The following ABCB5 variants were observed in gnomAD, a reference collection of about 807,000 sequenced individuals.
The protein encoded by ABCB5 is ATP-binding cassette sub-family B member 5.
In ABCB5, 155 loss-of-function variants were observed where a neutral mutation model predicts 144.2. The observed-to-expected ratio is 1.08, with a 90% CI of 0.94 to 1.23. The LOEUF is 1.23. Among genes scored for constraint, ABCB5 ranks in the 50% most tolerant of loss-of-function variants. The pLI, the probability that ABCB5 is intolerant of heterozygous loss-of-function variation, is 0.00. For synonymous variants in ABCB5, 610 were observed against 528.6 expected (o/e 1.15, Z -2.11); for missense variants, 1,830 against 1,520.8 (o/e 1.20, Z -3.38).
intron 5 of ABCB5, among the ~76,000 whole-genome samples, chr7:20,642,822 TA>T (rs1310788831): frequency 6.6e-6 from 1 of 152,254 alleles, no homozygotes; most frequent in African/African-American, 2.4e-5. Context: ...TTAAGCTTTT[TA>T]TCAAATGCTT....
At chr7:20,656,318 A>G (rs1056891513) in intron 13 of ABCB5, among the ~76,000 whole-genome samples, 8 of 152,174 alleles carry the variant, frequency 5.3e-5, no homozygotes, top group Non-Finnish European at 1.2e-4. Flanking sequence ...ATCATTTAGA[A>G]AACAAAAAGG....
In ABCB5 at chr7:20,647,587, A is replaced by G. The variant is rs1329664970; in HGVS notation, c.1034A>G (p.His345Arg). 6.3e-7 allele frequency: 1 copy of G among 1,590,614 alleles called. No individual in the cohort carries two copies. The highest frequency in any genetic ancestry group is 2.3e-5 in the East Asian group (1 of 44,408). ...TATTGCATTGGAGCAGCAGTCCCTC[A>G]CTTTGAAACCTTCGCAATAGCCCGA... ...SSYCIGAAVP[H>R]FETFAIARGA... The change falls in exon 10 of 28, where the codon CAC becomes CGC. Residue 345 changes from histidine (H) to arginine (R), a missense_variant. Transcript: ENST00000404938.
intron 14 of ABCB5, among the ~76,000 whole-genome samples, chr7:20,680,709 T>C (rs73280657): frequency 2.6e-4 from 40 of 152,300 alleles, no homozygotes; most frequent in African/African-American, 9.1e-4. Context: ...TGTACCCTTA[T>C]GTGCATTTTT....
At chr7:20,732,613 A>T (rs546110007) in intron 23 of ABCB5, among the ~76,000 whole-genome samples, 1 of 152,322 alleles carries the variant, frequency 6.6e-6, no homozygotes, top group South Asian at 2.1e-4. Flanking sequence ...CTTCGGAGTC[A>T]CCTTCACACT....
In ABCB5 at chr7:20,723,150, A is replaced by T. The variant is rs758677747; in HGVS notation, c.2556A>T (p.Gly852=). 6.2e-7 allele frequency: 1 copy of T among 1,614,050 alleles called. No individual in the cohort carries two copies. The highest frequency in any genetic ancestry group is 1.3e-5 in the African/African-American group (1 of 74,928). ...LSIAPVLAVT[G]MIETAAMTGF... The stretch of plus-strand genomic sequence containing the variant: ...TTGCTCCAGTACTTGCCGTGACAGG[A>T]ATGATTGAAACCGCAGCAATGACTG... The change falls in exon 21 of 28, where the codon GGA becomes GGT. Residue 852 remains glycine, a synonymous_variant. Coordinates refer to ENST00000404938, the MANE Select transcript of ABCB5 (RefSeq NM_001163941.2).
intron 1 of ABCB5, among the ~76,000 whole-genome samples, chr7:20,621,391 G>T (rs1032799548): frequency 6.6e-6 from 1 of 152,052 alleles, no homozygotes; most frequent in Non-Finnish European, 1.5e-5. Context: ...ATTTTGTTAT[G>T]TATATTTTGA....
chr7:20,704,939 A>C, intron 20 of ABCB5, 132 bp downstream of exon 20: 1 of 571,176 alleles, frequency 1.8e-6, no homozygotes, highest in Non-Finnish European at 2.9e-6. Context: ...GGTAAGTCTC[A>C]CGGTTAACAG....
rs755485786 is a variant in ABCB5, at chr7:20,643,395, G to C, written c.506+20G>C. ...GACAGAGTAAGAGGATGATATTGTA[G>C]TACGTTAGCTTTGTTTTCATATGTG... On this transcript the variant is annotated intron_variant, in intron 6 of 27. Transcript: ENST00000404938. 1.2e-5 allele frequency: 19 copies of C among 1,613,458 alleles called. No individual in the cohort carries two copies. In the South Asian group the frequency reaches 2.1e-4, roughly 18 times the overall value.
intron 1 of ABCB5, among the ~76,000 whole-genome samples, chr7:20,621,700 C>T (rs56080217): frequency 0.34 from 51,427 of 151,962 alleles, 8,854 homozygotes; most frequent in African/African-American, 0.38. Flanking sequence ...ATAATACAGA[C>T]ACAAGCAAAG....
chr7:20,697,712 A>G (rs2128042835), intron 16 of ABCB5, among the ~76,000 whole-genome samples: 2 of 152,322 alleles, frequency 1.3e-5, no homozygotes, highest in Middle Eastern at 3.4e-3. Flanking sequence ...CAGAAACAGC[A>G]ATGACTGCTA....
intron 14 of ABCB5, among the ~76,000 whole-genome samples, chr7:20,665,901 G>A (rs1287090952): frequency 2.0e-5 from 3 of 151,856 alleles, no homozygotes; most frequent in Non-Finnish European, 4.4e-5. Flanking sequence ...CGGGCCTGGT[G>A]GCTCATGCCT....
intron 1 of ABCB5, among the ~76,000 whole-genome samples, chr7:20,619,967 G>T (rs1050640944): frequency 6.6e-6 from 1 of 152,066 alleles, no homozygotes; most frequent in African/African-American, 2.4e-5. Context: ...CTTTGTTAAC[G>T]ATCAGATGGC....
Position 20,680,250 on chromosome 7 carries a change from G to A in ABCB5, c.1708-1255G>A, listed in dbSNP as rs547649091. ...GAAATCGGGATAGTGGTGACCCTTG[G>A]TATAGGTGAGTGCTAAGAGTGACTT... is the stretch of plus-strand genomic sequence containing the variant. On this transcript the variant is annotated intron_variant, in intron 14 of 27. Transcript: ENST00000404938. 9.7e-4 allele frequency among the ~76,000 whole-genome samples: 148 copies of A among 152,124 alleles called. 1 individual carries two copies. The highest frequency in any genetic ancestry group is 3.5e-3 in the African/African-American group (144 of 41,512).
intron 14 of ABCB5, chr7:20,667,439 C>T (rs139213366): frequency 5.0e-5 from 49 of 985,508 alleles, no homozygotes; most frequent in African/African-American, 1.0e-4. Flanking sequence ...ATTCTCAGAC[C>T]TTTTCTAGTT....
rs1490016121 is a variant in ABCB5 at position 20,665,900 on chromosome 7, T to G, written c.1707+7224T>G. 6.7e-5 allele frequency among the ~76,000 whole-genome samples: 10 copies of G among 149,432 alleles called. No individual in the cohort carries two copies. In the South Asian group the frequency reaches 1.9e-3, roughly 28 times the overall value. On this transcript the variant is annotated intron_variant, in intron 14 of 27. Coordinates refer to ENST00000404938, the MANE Select transcript of ABCB5 (RefSeq NM_001163941.2). ...AAAAAAAATGTTGGGCCGGGCCTGG[T>G]GGCTCATGCCTGTAATCCCAGAACT...
intron 13 of ABCB5, among the ~76,000 whole-genome samples, chr7:20,654,085 T>A (rs1333304061): frequency 3.3e-5 from 5 of 152,142 alleles, no homozygotes; most frequent in African/African-American, 1.2e-4. Flanking sequence ...TGTGGCTTTC[T>A]ACAAATTCAC....
intron 3 of ABCB5, among the ~76,000 whole-genome samples, chr7:20,627,277 C>T (rs1483165867): frequency 1.3e-5 from 2 of 152,162 alleles, no homozygotes; most frequent in South Asian, 4.1e-4. Context: ...CAGAACATGA[C>T]AAACTTTATC....
At chr7:20,616,453 T>C (rs1583369129) in intron 1 of ABCB5, among the ~76,000 whole-genome samples, 1 of 152,364 alleles carries the variant, frequency 6.6e-6, no homozygotes. Flanking sequence ...TCATGATTTC[T>C]TCTCACATGG....
intron 20 of ABCB5, among the ~76,000 whole-genome samples, chr7:20,713,111 T>C (rs537350313): frequency 1.3e-5 from 2 of 150,084 alleles, no homozygotes; most frequent in African/African-American, 4.9e-5. Flanking sequence ...AGTTTGGCTT[T>C]TTTAGATTCT....
Sources: allele counts gnomAD v4.1 joint callset (sites outside exome capture counted in the v4.1 genomes callset), GRCh38; gene constraint gnomAD v4.1.1; transcripts MANE v1.5; gene names NCBI Gene and HGNC (gene_info 2026-07-23, HGNC 2026-07-21).